EVPLL: variants seen among roughly 807,000 people sequenced by gnomAD.
EVPLL encodes envoplakin like, also known as envoplakin-like protein.
EVPLL carries 39 observed loss-of-function variants against 46.2 expected under a neutral mutation model. The observed-to-expected ratio is 0.84, with a 90% CI of 0.65 to 1.10. The LOEUF (loss-of-function observed/expected upper bound fraction) is 1.10. Ranked by LOEUF, EVPLL falls within the 50% of genes least tolerant of loss-of-function variation. EVPLL has a pLI of 0.00. For synonymous variants in EVPLL, 156 were observed against 165.8 expected, an observed-to-expected ratio of 0.94 and a Z score of 0.46; for missense variants, 385 against 412.6, an observed-to-expected ratio of 0.93 and a Z score of 0.58.
intron 9 of EVPLL, among the ~76,000 whole-genome samples, chr17:18,386,794 A>T (rs1163276576): frequency 6.6e-6 from 1 of 152,118 alleles, no homozygotes; most frequent in African/African-American, 2.4e-5. Flanking sequence ...GTGCTTCTGG[A>T]ACAGCCGGGG....
chr17:18,387,039 T>G (rs1358031857), intron 9 of EVPLL, among the ~76,000 whole-genome samples: 1 of 149,000 alleles, frequency 6.7e-6, no homozygotes, highest in East Asian at 2.0e-4. Context: ...GGACTACAGG[T>G]GCCCGCCACC....
Position 18,385,661 on chromosome 17 carries a change from T to C in EVPLL, c.876+2074T>C, listed in dbSNP as rs550850563. 2.4e-4 allele frequency among the ~76,000 whole-genome samples: 36 copies of C among 151,478 alleles called. 1 individual carries two copies. The East Asian group carries it at 7.0e-3, about 29-fold the overall frequency. Reference sequence around the variant, plus strand: ...CAGTAGGCAGCAAGGAAAGGGCAGCTCCTGCTCAAAGCTGCAAGTCTCTCT... The same window carrying C: ...CAGTAGGCAGCAAGGAAAGGGCAGCCCCTGCTCAAAGCTGCAAGTCTCTCT... On this transcript the variant is annotated intron_variant, in intron 9 of 10. Transcript: ENST00000399134.
Position 18,377,875 on chromosome 17 carries a change from C to T in EVPLL, c.-145C>T. ...CAAGCCCAGCCTGAGCCAGCACCTG[C>T]CTTTATGACCATGTTCAAGGGACTG... On this transcript the variant is annotated 5_prime_UTR_variant, in exon 1 of 11. Coordinates refer to ENST00000399134, the MANE Select transcript of EVPLL (RefSeq NM_001145127.2). 5.0e-6 allele frequency: 5 copies of T among 1,008,866 alleles called. No homozygotes were observed. The highest frequency in any genetic ancestry group is 7.3e-6 in the Non-Finnish European group (5 of 686,956). 62.5% of individuals were successfully genotyped at this position (1,008,866 alleles called of 1,614,324 possible). A position where few individuals can be genotyped will look rare whatever the true frequency, so the allele number is the denominator to read the frequency against.
At chr17:18,380,728 C>G in intron 1 of EVPLL, 174 bp from the exon 2 acceptor site, 2 of 609,680 alleles carry the variant, frequency 3.3e-6, no homozygotes, top group Non-Finnish European at 5.8e-6. Flanking sequence ...AGTGCTAACA[C>G]CCCCAACCAG....
Position 18,381,468 on chromosome 17 carries a change from C to G in EVPLL, c.165C>G (p.Asp55Glu). The G allele has an allele frequency of 1.9e-6, 3 of 1,613,788 alleles. No homozygotes were observed. Among genetic ancestry groups the G allele is most frequent in the Middle Eastern group, 1.7e-4 (1 of 5,920 alleles). ...AEVLLKDLFL[D>E]VDKARRLKHP... is the part of the protein sequence containing the mutation. Reference sequence around the variant, plus strand: ...TGCTGCTCAAGGACCTCTTCCTGGACGTGGACAAGGCCCGGCGGCTCAAGC... The same window carrying G: ...TGCTGCTCAAGGACCTCTTCCTGGAGGTGGACAAGGCCCGGCGGCTCAAGC... The change falls in exon 3 of 11, where the codon GAC becomes GAG. Residue 55 changes from aspartate to glutamate, a missense_variant. Physicochemically the swap from Asp to Glu is conservative, Grantham distance 45. Transcript: ENST00000399134. The surrounding 1 kb of genome is among the most constrained non-coding windows in gnomAD (Gnocchi z 4.2).
At position 18,377,924 on chromosome 17, in the gene EVPLL, GT is replaced by G; in HGVS notation, c.-95del. The G allele has an allele frequency of 8.9e-7, 1 of 1,126,296 alleles. No homozygotes were observed. Among genetic ancestry groups the G allele is most frequent in the Non-Finnish European group, 1.2e-6 (1 of 814,874 alleles). 69.8% of individuals were successfully genotyped at this position (1,126,296 alleles called of 1,614,324 possible). On this transcript the variant is annotated 5_prime_UTR_variant, in exon 1 of 11. The change abolishes the stop of an existing upstream ORF in the 5' untranslated region. Coordinates refer to ENST00000399134, the MANE Select transcript of EVPLL (RefSeq NM_001145127.2). ...TGAGCAAAGGCTCCCAGGGGAAGGG[GT>G]CCCCCAAGGACTCCCCAGCCAAGGG...
chr17:18,381,230 G>T lies in EVPLL; in HGVS notation c.64-137G>T. 1.4e-6 allele frequency: 2 copies of T among 1,397,946 alleles called. No homozygotes were observed. Among genetic ancestry groups the T allele is most frequent in the South Asian group, 2.9e-5 (2 of 68,482 alleles). The allele number at this position is 1,397,946 out of a possible 1,614,324, so 86.6% of individuals were successfully genotyped here. On this transcript the variant is annotated intron_variant, in intron 2 of 10. Transcript: ENST00000399134. This position sits in a 1 kb window ranked among gnomAD's most constrained non-coding sequence, Gnocchi z 4.2. Reference sequence around the variant, plus strand: ...CCTGCCTCATGGACGCCCTGGGCCTGACCCTGTGCCTGGCGTGGGCCTCGA... The same window carrying T: ...CCTGCCTCATGGACGCCCTGGGCCTTACCCTGTGCCTGGCGTGGGCCTCGA...
chr17:18,378,000 G>A lies in EVPLL; in HGVS notation c.-37+17G>A, dbSNP rs1449408212. The A allele has an allele frequency of 6.5e-6, 5 of 765,372 alleles. No individual in the cohort carries two copies. Among genetic ancestry groups the A allele is most frequent in the East Asian group, 3.6e-5 (1 of 28,118 alleles). The allele number at this position is 765,372 out of a possible 1,614,324, so 47.4% of individuals were successfully genotyped here. On this transcript the variant is annotated intron_variant, in intron 1 of 10. Coordinates refer to ENST00000399134, the MANE Select transcript of EVPLL (RefSeq NM_001145127.2). Reference sequence around the variant, plus strand: ...GCACAGCTGGTGAGTGGGACTAGGGGATGGGGAGCCAGGGAGCTAGGGTGG... The same window carrying A: ...GCACAGCTGGTGAGTGGGACTAGGGAATGGGGAGCCAGGGAGCTAGGGTGG...
Position 18,383,313 on chromosome 17 carries a change from A to G in EVPLL, c.715A>G (p.Asn239Asp), listed in dbSNP as rs748598972. Residue 239 changes from asparagine to aspartate, a missense_variant, in exon 8 of 11, where the codon AAC becomes GAC. By Grantham distance (23) the Asn-to-Asp change is conservative. Transcript: ENST00000399134. ...GCTGCTGAGCCAGGAGCAGAGCGTA[A>G]ACCAGCTGGAGGAGGACGGCAAGCG... is the stretch of plus-strand genomic sequence containing the variant. Reference protein sequence around the residue: ...HELLSQEQSVNQLEEDGKRMV... With the variant: ...HELLSQEQSVDQLEEDGKRMV... The G allele has an allele frequency of 6.7e-5, 107 of 1,604,878 alleles. 1 individual carries two copies. Among genetic ancestry groups the G allele is most frequent in the Non-Finnish European group, 8.7e-5 (102 of 1,176,840 alleles).
chr17:18,383,397 G>A lies in EVPLL; in HGVS notation c.780+19G>A, dbSNP rs1158316909. ...CATCCAGGTGCGCTGGGGGCAGGGC[G>A]AGAGTGAGAAGGGACGTGGTGGGCG... On this transcript the variant is annotated intron_variant, in intron 8 of 10. Coordinates refer to ENST00000399134, the MANE Select transcript of EVPLL (RefSeq NM_001145127.2). 7.1e-7 allele frequency: 1 copy of A among 1,403,134 alleles called. No homozygotes were observed. Among genetic ancestry groups the A allele is most frequent in the Non-Finnish European group, 9.7e-7 (1 of 1,034,242 alleles). The allele number at this position is 1,403,134 out of a possible 1,614,324, so 86.9% of individuals were successfully genotyped here. A position where few individuals can be genotyped will look rare whatever the true frequency, so the allele number is the denominator to read the frequency against.
In EVPLL at chr17:18,383,393, G is replaced by C. The variant is rs1442358664; in HGVS notation, c.780+15G>C. On this transcript the variant is annotated intron_variant, in intron 8 of 10. Coordinates refer to ENST00000399134, the MANE Select transcript of EVPLL (RefSeq NM_001145127.2). ...GGCCCATCCAGGTGCGCTGGGGGCA[G>C]GGCGAGAGTGAGAAGGGACGTGGTG... The C allele has an allele frequency of 6.4e-7, 1 of 1,569,438 alleles. No homozygotes were observed. The highest frequency in any genetic ancestry group is 8.6e-7 in the Non-Finnish European group (1 of 1,158,342).
Position 18,381,775 on chromosome 17 carries a change from CG to C in EVPLL, c.346+47del, listed in dbSNP as rs1567810864. On this transcript the variant is annotated intron_variant, in intron 4 of 10. Transcript: ENST00000399134. The surrounding 1 kb of genome is among the most constrained non-coding windows in gnomAD (Gnocchi z 4.2). ...ACCCCAGTGTGATCAGAGGGTGATA[CG>C]GAACTGCATTTAACCCAGGGCCTGA... is the stretch of plus-strand genomic sequence containing the variant. 2.5e-6 allele frequency: 4 copies of C among 1,613,150 alleles called. No individual in the cohort carries two copies. The highest frequency in any genetic ancestry group is 3.4e-6 in the Non-Finnish European group (4 of 1,179,798).
At chr17:18,379,750 T>C (rs1323844847) in intron 1 of EVPLL, 1 of 152,280 alleles carries the variant, frequency 6.6e-6, no homozygotes, top group Non-Finnish European at 1.5e-5. Context: ...TTCAAGGCAC[T>C]AGCCCTCTAG....
chr17:18,380,956 C>A lies in EVPLL; in HGVS notation c.19C>A (p.Gln7Lys). The change falls in exon 2 of 11, where the codon CAG becomes AAG. Residue 7 changes from glutamine to lysine, a missense_variant. By Grantham distance (53) the Gln-to-Lys change is moderately conservative (BLOSUM62 1). Transcript: ENST00000399134. ...CTCCCACATGCAAGCCAGCGCCGAC[C>A]AGGTGGAGCGGGACATCCTGGAGAC... MQASAD[Q>K]VERDILETQK... 1 of 1,596,742 alleles carries A rather than the reference C, an allele frequency of 6.3e-7. No individual in the cohort carries two copies. Among genetic ancestry groups the A allele is most frequent in the Non-Finnish European group, 8.5e-7 (1 of 1,172,350 alleles).
chr17:18,388,322 G>A, intron 10 of EVPLL, 34 bp downstream of exon 10: 2 of 984,812 alleles, frequency 2.0e-6, no homozygotes, highest in Non-Finnish European at 1.6e-6. Context: ...CTAGCAAAGG[G>A]TCTTCTGGTT....
At position 18,381,460 on chromosome 17, in the gene EVPLL, T is replaced by C; in HGVS notation, c.157T>C (p.Phe53Leu). Reference protein sequence around the residue: ...KEAEVLLKDLFLDVDKARRLK... With the variant: ...KEAEVLLKDLLLDVDKARRLK... ...GGCCGAGGTGCTGCTCAAGGACCTC[T>C]TCCTGGACGTGGACAAGGCCCGGCG... Residue 53 changes from phenylalanine to leucine, a missense_variant, in exon 3 of 11, where the codon TTC (phenylalanine) becomes CTC (leucine). By Grantham distance (22) the Phe-to-Leu change is conservative. Coordinates refer to ENST00000399134, the MANE Select transcript of EVPLL (RefSeq NM_001145127.2). This position sits in a 1 kb window ranked among gnomAD's most constrained non-coding sequence, Gnocchi z 4.2. 6.2e-7 allele frequency: 1 copy of C among 1,613,706 alleles called. No individual in the cohort carries two copies. Among genetic ancestry groups the C allele is most frequent in the South Asian group, 1.1e-5 (1 of 91,068 alleles).
chr17:18,386,564 C>T (rs1372335583), intron 9 of EVPLL: 2 of 152,178 alleles, frequency 1.3e-5, no homozygotes, highest in Non-Finnish European at 2.9e-5. Flanking sequence ...GCATTGTTTC[C>T]TCACCGCCAT....
At position 18,381,933 on chromosome 17, in the gene EVPLL, G is replaced by C. The variant is rs1338681692; in HGVS notation, c.346+203G>C. ...TGAAGAGACCTCAGAGGGGTGAGAG[G>C]GCTCGGTTGGGTCAGGGTGAAGTAG... On this transcript the variant is annotated intron_variant, in intron 4 of 10. Coordinates refer to ENST00000399134, the MANE Select transcript of EVPLL (RefSeq NM_001145127.2). The surrounding 1 kb of genome is among the most constrained non-coding windows in gnomAD (Gnocchi z 4.2). The C allele has an allele frequency of 2.6e-6, 2 of 779,798 alleles. No individual in the cohort carries two copies. The highest frequency in any genetic ancestry group is 4.0e-6 in the Non-Finnish European group (2 of 497,040). The allele number at this position is 779,798 out of a possible 1,614,324, so 48.3% of individuals were successfully genotyped here.
chr17:18,382,687 T>G (rs775225930), intron 5 of EVPLL, 49 bp downstream of exon 5: 107 of 1,552,436 alleles, frequency 6.9e-5, no homozygotes, highest in Middle Eastern at 6.7e-4. Flanking sequence ...CCAGCCCCTG[T>G]TTTTCCAGTC....
Sources: gnomAD v4.1 joint callset for allele counts (sites outside exome capture counted in the v4.1 genomes callset) on GRCh38, gnomAD v4.1.1 for gene constraint, Gnocchi (gnomAD v3.1) non-coding constraint, MANE v1.5 for transcripts, NCBI Gene and HGNC (gene_info 2026-07-23, HGNC 2026-07-21) for gene names.